Variants in GRIN3A observed in about 807,000 individuals in gnomAD.
The protein encoded by GRIN3A is glutamate receptor ionotropic, NMDA 3A.
A neutral mutation model predicts 92.4 loss-of-function variants in GRIN3A; 47 were observed. That is an observed-to-expected ratio of 0.51 (90% CI 0.40 to 0.65). The LOEUF (loss-of-function observed/expected upper bound fraction) is 0.65, where lower values mean the gene tolerates loss of function less well. GRIN3A is among the 30% of genes least tolerant of loss of function. GRIN3A has a pLI of 0.00. For synonymous variants in GRIN3A, 527 were observed against 540.6 expected (o/e 0.97, Z 0.35); for missense variants, 1,324 against 1,393.1 (o/e 0.95, Z 0.79).
rs551784671 is a variant in GRIN3A, at chr9:101,702,161, G to A, written c.700-14961C>T. Among the ~76,000 whole-genome samples the A allele has an allele frequency of 3.9e-5, 6 of 152,172 alleles. No individual in the cohort carries two copies. In the East Asian group the frequency reaches 1.2e-3, roughly 30 times the overall value. On this transcript the variant is annotated intron_variant, in intron 1 of 8. Transcript: ENST00000361820. ...TACTAAAAATACAAAAATTAGCCAG[G>A]TGTGGTAGCATATGCCTGTAATGTC...
Position 101,671,068 on chromosome 9 carries a change from G to A in GRIN3A, c.1344C>T (p.Ser448=). 6.2e-7 allele frequency: 1 copy of A among 1,613,922 alleles called. No homozygotes were observed. Among genetic ancestry groups the A allele is most frequent in the Non-Finnish European group, 8.5e-7 (1 of 1,179,854 alleles). Reference sequence around the variant, plus strand: ...CGATGGTGGAACCTTTTACTCTGATGGAACCACTGAGGCCTCTGAAAGTGG... The same window carrying A: ...CGATGGTGGAACCTTTTACTCTGATAGAACCACTGAGGCCTCTGAAAGTGG... ...ANTTFRGLSG[S]IRVKGSTIVS... The change falls in exon 3 of 9, where the codon TCC becomes TCT. Residue 448 remains serine (S), a synonymous_variant. Transcript: ENST00000361820.
chr9:101,652,113 C>T (rs1829022717), intron 3 of GRIN3A, among the ~76,000 whole-genome samples: 3 of 151,952 alleles, frequency 2.0e-5, no homozygotes, highest in Admixed American at 1.3e-4. Flanking sequence ...TCATAATTGT[C>T]TGGGGACGGT....
At chr9:101,696,322 G>C (rs1829683494) in intron 1 of GRIN3A, among the ~76,000 whole-genome samples, 1 of 152,182 alleles carries the variant, frequency 6.6e-6, no homozygotes, top group Non-Finnish European at 1.5e-5. Flanking sequence ...TCTGTTTCCT[G>C]GACAGTAGGA....
At chr9:101,633,228 A>T (rs139809642) in intron 3 of GRIN3A, among the ~76,000 whole-genome samples, 292 of 152,350 alleles carry the variant, frequency 1.9e-3, no homozygotes, top group African/African-American at 6.7e-3. Context: ...ATCTGTACCC[A>T]TCTGAGATTA....
chr9:101,620,679 T>G (rs1192367053), intron 5 of GRIN3A, among the ~76,000 whole-genome samples: 2 of 152,174 alleles, frequency 1.3e-5, no homozygotes, highest in African/African-American at 4.8e-5. Context: ...TAATGTTATA[T>G]GCCTAGCATT....
intron 6 of GRIN3A, among the ~76,000 whole-genome samples, chr9:101,597,525 C>T (rs1349396830): frequency 2.0e-5 from 3 of 152,164 alleles, no homozygotes; most frequent in Non-Finnish European, 2.9e-5. Flanking sequence ...TTACAGGCCT[C>T]CACTAGCTCA....
intron 1 of GRIN3A, among the ~76,000 whole-genome samples, chr9:101,710,734 A>G (rs904235383): frequency 1.3e-5 from 2 of 152,256 alleles, no homozygotes; most frequent in Admixed American, 6.5e-5. Context: ...TATGTGGTAC[A>G]GAGTTGACTG....
chr9:101,649,885 A>C (rs1564135343), intron 3 of GRIN3A, among the ~76,000 whole-genome samples: 2 of 152,034 alleles, frequency 1.3e-5, no homozygotes, highest in East Asian at 3.9e-4. Flanking sequence ...AGTCTCAAAC[A>C]AGTGTAGTGC....
intron 8 of GRIN3A, among the ~76,000 whole-genome samples, chr9:101,576,733 G>A (rs901548877): frequency 6.6e-6 from 1 of 152,108 alleles, no homozygotes; most frequent in African/African-American, 2.4e-5. Flanking sequence ...GCAATATGAT[G>A]CAGGAATACC....
chr9:101,736,560 C>A (rs981972079), intron 1 of GRIN3A, among the ~76,000 whole-genome samples: 1 of 152,058 alleles, frequency 6.6e-6, no homozygotes, highest in Non-Finnish European at 1.5e-5. Context: ...TGAATACCAG[C>A]CTCTGAGTCC....
intron 3 of GRIN3A, among the ~76,000 whole-genome samples, chr9:101,659,429 T>TGG: frequency 7.7e-6 from 1 of 129,430 alleles, no homozygotes; most frequent in East Asian, 2.4e-4. Context: ...ATCTATGTAT[T>TGG]TATTTATACA....
intron 1 of GRIN3A, among the ~76,000 whole-genome samples, chr9:101,722,857 C>T (rs1019765885): frequency 6.6e-6 from 1 of 152,142 alleles, no homozygotes; most frequent in African/African-American, 2.4e-5. Flanking sequence ...TGTCTTGTCT[C>T]AGATAATACT....
intron 5 of GRIN3A, among the ~76,000 whole-genome samples, chr9:101,621,298 A>AG (rs1491160681): frequency 6.8e-6 from 1 of 147,798 alleles, no homozygotes; most frequent in Non-Finnish European, 1.5e-5. Flanking sequence ...AAAAAAAAAA[A>AG]CAATTTGTGA....
At chr9:101,595,987 C>G (rs1174170244) in intron 6 of GRIN3A, among the ~76,000 whole-genome samples, 1 of 152,196 alleles carries the variant, frequency 6.6e-6, no homozygotes, top group East Asian at 1.9e-4. Flanking sequence ...CCTCTTATTC[C>G]TTCTTCCTTT....
intron 2 of GRIN3A, among the ~76,000 whole-genome samples, chr9:101,686,207 A>T (rs1032012698): frequency 3.3e-5 from 5 of 152,216 alleles, no homozygotes; most frequent in African/African-American, 1.2e-4. Context: ...TAAGCTAAGC[A>T]TGGTATTAGG....
intron 2 of GRIN3A, among the ~76,000 whole-genome samples, chr9:101,677,650 A>T (rs544230163): frequency 1.3e-5 from 2 of 151,760 alleles, no homozygotes; most frequent in South Asian, 4.2e-4. Flanking sequence ...GCGAGTTGTT[A>T]CTAGTTCAGC....
intron 2 of GRIN3A, among the ~76,000 whole-genome samples, chr9:101,677,583 C>A (rs1419373806): frequency 2.0e-5 from 3 of 151,894 alleles, no homozygotes; most frequent in Non-Finnish European, 4.4e-5. Context: ...TTTTTTATGT[C>A]TCTTTTACCA....
At chr9:101,604,395 A>G (rs1478284557) in intron 6 of GRIN3A, among the ~76,000 whole-genome samples, 2 of 152,212 alleles carry the variant, frequency 1.3e-5, no homozygotes, top group Non-Finnish European at 2.9e-5. Flanking sequence ...ATAAAAGAAT[A>G]CATGGACAAC....
chr9:101,595,160 T>C (rs1828103434), intron 6 of GRIN3A: 1 of 571,326 alleles, frequency 1.8e-6, no homozygotes, highest in Admixed American at 3.1e-5. Context: ...GGGTGCTGTC[T>C]GGGCAGGAGT....
Sources: allele counts gnomAD v4.1 joint callset (sites outside exome capture counted in the v4.1 genomes callset), GRCh38; gene constraint gnomAD v4.1.1; transcripts MANE v1.5; gene names NCBI Gene and HGNC (gene_info 2026-07-23, HGNC 2026-07-21).